The following PRKN variants were observed in gnomAD, a reference collection of about 807,000 sequenced individuals.
PRKN encodes the protein parkin RBR E3 ubiquitin protein ligase, also known as E3 ubiquitin-protein ligase parkin.
A neutral mutation model predicts 59.5 loss-of-function variants in PRKN; 56 were observed. The ratio of observed to expected loss-of-function variants is 0.94; its 90% CI spans 0.76 to 1.18. PRKN has a LOEUF of 1.18. Ranked by LOEUF, PRKN falls within the 50% of genes most tolerant of loss-of-function variation. The probability of loss-of-function intolerance (pLI) is 0.00; values close to 1 mark genes in which losing one functional copy is unlikely to be tolerated. For missense variants in PRKN, 657 were observed against 596.4 expected (o/e 1.10, Z -1.06); for synonymous variants, 250 against 222.1 (o/e 1.13, Z -1.12).
intron 7 of PRKN, among the ~76,000 whole-genome samples, chr6:161,696,801 T>C (rs941666920): frequency 2.6e-5 from 4 of 152,218 alleles, no homozygotes; most frequent in African/African-American, 9.7e-5. Flanking sequence ...ACAAATGCAC[T>C]ACTACTTTGT....
chr6:161,714,381 C>T (rs1786880499), intron 7 of PRKN, among the ~76,000 whole-genome samples: 1 of 152,136 alleles, frequency 6.6e-6, no homozygotes, highest in South Asian at 2.1e-4. Flanking sequence ...GATTTAGATA[C>T]TTATAAAAGA....
Position 162,363,317 on chromosome 6 carries a change from A to G in PRKN, c.171+79993T>C, listed in dbSNP as rs991348572. On this transcript the variant is annotated intron_variant, in intron 2 of 11. Transcript: ENST00000366898. ...AATCTTTTGATGCTGCTGTAATTCAATTTGGTTTCTATGTTGAATCTGAAG... is the reference window on the plus strand; with the variant it reads ...AATCTTTTGATGCTGCTGTAATTCAGTTTGGTTTCTATGTTGAATCTGAAG... Among the ~76,000 whole-genome samples the G allele has an allele frequency of 3.9e-5, 6 of 152,106 alleles. No individual in the cohort carries two copies. In the South Asian group the frequency reaches 1.2e-3, roughly 32 times the overall value.
intron 2 of PRKN, among the ~76,000 whole-genome samples, chr6:162,309,303 C>T (rs1583353202): frequency 1.3e-5 from 2 of 152,020 alleles, no homozygotes; most frequent in East Asian, 1.9e-4. Context: ...TAGCTGGGAT[C>T]ACAGGTGCCT....
chr6:161,418,081 T>C (rs1020827508), intron 9 of PRKN, among the ~76,000 whole-genome samples: 2 of 152,260 alleles, frequency 1.3e-5, no homozygotes, highest in African/African-American at 4.8e-5. Flanking sequence ...CAGCTGCTTA[T>C]TCTCACTAAA....
chr6:162,470,965 T>G (rs1791704228), intron 1 of PRKN, among the ~76,000 whole-genome samples: 1 of 151,978 alleles, frequency 6.6e-6, no homozygotes, highest in African/African-American at 2.4e-5. Context: ...TTCACCATGT[T>G]GGCCAGAATG....
rs1278287499 is a variant in PRKN at position 161,552,819 on chromosome 6, A to T, written c.934-3816T>A. On this transcript the variant is annotated intron_variant, in intron 8 of 11. Coordinates refer to ENST00000366898, the MANE Select transcript of PRKN (RefSeq NM_004562.3). The surrounding 1 kb of genome is among the most constrained non-coding windows in gnomAD (Gnocchi z 4.9). ...TTTTTTGTTTTTTTTTTTTAGACGG[A>T]GTCTCGTTGTTACGCGGCTGGAGTA... Among the ~76,000 whole-genome samples the T allele has an allele frequency of 6.6e-5, 9 of 137,176 alleles. No homozygotes were observed. The highest frequency in any genetic ancestry group is 2.4e-4 in the African/African-American group (9 of 37,312). 90.0% of individuals were successfully genotyped at this position (137,176 alleles called of 152,430 possible). A position where few individuals can be genotyped will look rare whatever the true frequency, so the allele number is the denominator to read the frequency against.
intron 6 of PRKN, among the ~76,000 whole-genome samples, chr6:161,860,151 A>G (rs1793832609): frequency 6.6e-6 from 1 of 152,192 alleles, no homozygotes; most frequent in Admixed American, 6.5e-5. Context: ...TGCAAATTTA[A>G]AAAAAGTACT....
chr6:161,984,118 C>T (rs1178234652), intron 5 of PRKN, among the ~76,000 whole-genome samples: 1 of 151,902 alleles, frequency 6.6e-6, no homozygotes, highest in Non-Finnish European at 1.5e-5. Context: ...ATACATGTGA[C>T]CACAATGAGA....
chr6:162,089,117 C>T (rs904816907), intron 4 of PRKN, among the ~76,000 whole-genome samples: 3 of 151,976 alleles, frequency 2.0e-5, no homozygotes, highest in Non-Finnish European at 4.4e-5. Context: ...GACAACCCAC[C>T]AAAAGGAAGG....
In PRKN at chr6:162,150,409, G is replaced by A. The variant is rs143701927; in HGVS notation, c.534+50722C>T. 7.3e-3 allele frequency among the ~76,000 whole-genome samples: 1,109 copies of A among 152,212 alleles called. 22 individuals are homozygous for A. The highest frequency in any genetic ancestry group is 0.025 in the African/African-American group (1,032 of 41,518). ...TGAGGGTACAAATGATTTCTTGAGG[G>A]CAGAATCTTCCTCTGCTCCCGCACA... On this transcript the variant is annotated intron_variant, in intron 4 of 11. Coordinates refer to ENST00000366898, the MANE Select transcript of PRKN (RefSeq NM_004562.3).
At chr6:162,193,062 G>A (rs754892334) in intron 4 of PRKN, among the ~76,000 whole-genome samples, 3 of 152,142 alleles carry the variant, frequency 2.0e-5, no homozygotes, top group Admixed American at 1.3e-4. Flanking sequence ...TATCATTACA[G>A]AGGGATCTCT....
chr6:161,682,526 G>A (rs1785403774), intron 7 of PRKN, among the ~76,000 whole-genome samples: 2 of 152,062 alleles, frequency 1.3e-5, no homozygotes, highest in Non-Finnish European at 2.9e-5. Context: ...ATCGGAGCTG[G>A]GGAAAGGCCT....
intron 9 of PRKN, among the ~76,000 whole-genome samples, chr6:161,510,003 G>A (rs749364852): frequency 7.7e-4 from 117 of 152,144 alleles, no homozygotes; most frequent in Non-Finnish European, 1.4e-3. Flanking sequence ...TGCAAGCAAG[G>A]TTTTGCCCAT....
At chr6:161,974,824 C>A (rs996007213) in intron 5 of PRKN, among the ~76,000 whole-genome samples, 1 of 152,146 alleles carries the variant, frequency 6.6e-6, no homozygotes, top group African/African-American at 2.4e-5. Context: ...ATGTAAAGTG[C>A]CAGATATTAC....
intron 7 of PRKN, among the ~76,000 whole-genome samples, chr6:161,628,445 A>G (rs192467535): frequency 1.3e-5 from 2 of 152,326 alleles, no homozygotes; most frequent in East Asian, 1.9e-4. Flanking sequence ...CACTAATCCC[A>G]TTCCTGAGAT....
In PRKN at chr6:162,316,986, T is replaced by G. The variant is rs556253782; in HGVS notation, c.172-54221A>C. Among the ~76,000 whole-genome samples, 61 of 152,254 alleles carry G rather than the reference T, an allele frequency of 4.0e-4. 1 individual carries two copies. The highest frequency in any genetic ancestry group is 1.4e-3 in the African/African-American group (58 of 41,570). The stretch of plus-strand genomic sequence containing the variant: ...AGTAAAAAAAAGAGGGAATTGAACC[T>G]GGACTTAAACAGTTAAGATTCAAGT... On this transcript the variant is annotated intron_variant, in intron 2 of 11. Transcript: ENST00000366898.
chr6:162,626,829 A>AAAAC (rs1554255692), intron 1 of PRKN, among the ~76,000 whole-genome samples: 1 of 151,608 alleles, frequency 6.6e-6, no homozygotes, highest in African/African-American at 2.4e-5. Flanking sequence ...AAAAAAAAAA[A>AAAAC]ATTTAACTGA....
chr6:161,820,777 T>C (rs1426815757), intron 6 of PRKN, among the ~76,000 whole-genome samples: 1 of 150,402 alleles, frequency 6.6e-6, no homozygotes, highest in Non-Finnish European at 1.5e-5. Flanking sequence ...TAAACAATTG[T>C]TTATAAATAT....
chr6:161,432,331 C>T (rs989575325), intron 9 of PRKN, among the ~76,000 whole-genome samples: 3 of 149,446 alleles, frequency 2.0e-5, no homozygotes, highest in African/African-American at 7.4e-5. Context: ...CATATTTTTA[C>T]ATTAACAATA....
Sources: gnomAD v4.1 joint callset for allele counts (sites outside exome capture counted in the v4.1 genomes callset) on GRCh38, gnomAD v4.1.1 for gene constraint, Gnocchi (gnomAD v3.1) non-coding constraint, MANE v1.5 for transcripts, NCBI Gene and HGNC (gene_info 2026-07-23, HGNC 2026-07-21) for gene names.